The following ADAM19 variants were observed in gnomAD, a reference collection of about 807,000 sequenced individuals.
ADAM19 encodes the protein disintegrin and metalloproteinase domain-containing protein 19.
In ADAM19, 65 loss-of-function variants were observed where a neutral mutation model predicts 114.7. The observed-to-expected ratio is 0.57, with a 90% CI of 0.46 to 0.70. The LOEUF (loss-of-function observed/expected upper bound fraction) is 0.70. Ranked by LOEUF, ADAM19 falls within the 30% of genes least tolerant of loss-of-function variation. ADAM19 has a pLI of 0.00. For missense variants in ADAM19, 1,063 were observed against 1,204.7 expected (o/e 0.88, Z 1.74); for synonymous variants, 466 against 460.5 (o/e 1.01, Z -0.15).
intron 5 of ADAM19, among the ~76,000 whole-genome samples, chr5:157,527,412 G>A (rs148309903): frequency 5.9e-5 from 9 of 152,054 alleles, no homozygotes; most frequent in East Asian, 3.9e-4. Context: ...GGGTTTCACC[G>A]TGTTAGCCAG....
At chr5:157,532,349 G>C (rs755932673) in intron 4 of ADAM19, among the ~76,000 whole-genome samples, 2 of 152,206 alleles carry the variant, frequency 1.3e-5, no homozygotes, top group Non-Finnish European at 1.5e-5. Flanking sequence ...ACCAAAAGAA[G>C]GGGCTTGAAA....
At chr5:157,486,959 G>A (rs960935656) in intron 21 of ADAM19, among the ~76,000 whole-genome samples, 7 of 152,124 alleles carry the variant, frequency 4.6e-5, no homozygotes, top group African/African-American at 1.7e-4. Context: ...ACACCAGGGA[G>A]GCAGAAGTGC....
At chr5:157,498,740 A>G (rs1211721067) in intron 13 of ADAM19, among the ~76,000 whole-genome samples, 1 of 150,926 alleles carries the variant, frequency 6.6e-6, no homozygotes, top group African/African-American at 2.4e-5. Flanking sequence ...ATGTCCGCAT[A>G]TATAACTACA....
rs1755161425 is a variant in ADAM19, at chr5:157,491,618, C to T, written c.2092G>A (p.Glu698Lys). The T allele has an allele frequency of 2.7e-6, 4 of 1,506,642 alleles. No individual in the cohort carries two copies. The African/African-American group carries it at 4.2e-5, about 16-fold the overall frequency. The allele number at this position is 1,506,642 out of a possible 1,614,324, so 93.3% of individuals were successfully genotyped here. Residue 698 changes from glutamate to lysine, a missense_variant, in exon 18 of 23, where the codon GAG (glutamate) becomes AAG (lysine). This residue lies in a region of ADAM19 where 424 missense variants were observed against 445.5 expected (regional missense o/e 0.95). Coordinates refer to ENST00000257527, the MANE Select transcript of ADAM19 (RefSeq NM_033274.5). ...GCCCCAGCAGGCTGGCACTCACTCT[C>T]AGGGGGCATAGGCCCACTGTCGATA... ...GSIDSGPMPPESVGPVVAGVL... is the reference protein window; with the variant it reads ...GSIDSGPMPPKSVGPVVAGVL...
chr5:157,490,547 T>G, intron 18 of ADAM19, 93 bp from the exon 19 acceptor site: 1 of 1,416,478 alleles, frequency 7.1e-7, no homozygotes, highest in Non-Finnish European at 9.7e-7. Flanking sequence ...TTCAGGCATT[T>G]GATTTGCATT....
intron 5 of ADAM19, among the ~76,000 whole-genome samples, chr5:157,526,432 C>A (rs535227161): frequency 5.6e-4 from 85 of 152,240 alleles, no homozygotes; most frequent in Middle Eastern, 6.8e-3. Context: ...AACTTACCAA[C>A]CAGATACACT....
intron 19 of ADAM19, 42 bp downstream of exon 19, chr5:157,490,268 C>G (rs1395417309): frequency 6.2e-7 from 1 of 1,609,246 alleles, no homozygotes; most frequent in Non-Finnish European, 8.5e-7. Flanking sequence ...ACCTTTGTGA[C>G]CCATAAATTG....
rs117280715 is a variant in ADAM19, at chr5:157,538,794, A to T, written c.252-803T>A. ...TTCTTAGAATTTTCTCTAAAAATTA[A>T]AAGAAAAATATAAGAGTCAAATGGA... On this transcript the variant is annotated intron_variant, in intron 3 of 22. Transcript: ENST00000257527. Among the ~76,000 whole-genome samples, 6 of 152,376 alleles carry T rather than the reference A, an allele frequency of 3.9e-5. No homozygotes were observed. In the East Asian group the frequency reaches 9.6e-4, roughly 24 times the overall value.
rs1757847314 is a variant in ADAM19 at position 157,572,168 on chromosome 5, C to G, written c.95-1188G>C. 3 of 359,456 alleles carry G rather than the reference C, an allele frequency of 8.3e-6. No individual in the cohort carries two copies. In the East Asian group the frequency reaches 2.4e-4, roughly 29 times the overall value. The allele number at this position is 359,456 out of a possible 1,614,324, so 22.3% of individuals were successfully genotyped here. On this transcript the variant is annotated intron_variant, in intron 1 of 22. Coordinates refer to ENST00000257527, the MANE Select transcript of ADAM19 (RefSeq NM_033274.5). ...TGGTGTGATCTCGGCTCACTGCAAG[C>G]TCCGCCTTCCGGGTTCATGCCATTC...
At chr5:157,488,694 G>T (rs998053086) in intron 20 of ADAM19, among the ~76,000 whole-genome samples, 1 of 152,144 alleles carries the variant, frequency 6.6e-6, no homozygotes, top group Non-Finnish European at 1.5e-5. Flanking sequence ...CAATAAAAGG[G>T]CTTTTATTAC....
At chr5:157,542,998 A>G (rs940541066) in intron 3 of ADAM19, among the ~76,000 whole-genome samples, 3 of 152,236 alleles carry the variant, frequency 2.0e-5, no homozygotes, top group Non-Finnish European at 4.4e-5. Context: ...GATACAACAG[A>G]AATGCAAATA....
intron 2 of ADAM19, among the ~76,000 whole-genome samples, chr5:157,567,303 C>T (rs985055406): frequency 3.3e-5 from 5 of 152,186 alleles, no homozygotes; most frequent in Admixed American, 3.3e-4. Flanking sequence ...CATTTCAAAC[C>T]CACCGAAGTA....
Position 157,499,691 on chromosome 5 carries a change from G to C in ADAM19, c.1309-29C>G, listed in dbSNP as rs1238232352. 9 of 1,508,508 alleles carry C rather than the reference G, an allele frequency of 6.0e-6. No homozygotes were observed. The African/African-American group carries it at 6.9e-5, about 12-fold the overall frequency. 93.4% of individuals were successfully genotyped at this position (1,508,508 alleles called of 1,614,324 possible). Reference sequence around the variant, plus strand: ...GGGAGGCAGTGGGGTGGGTGTGAGTGGGGGAGGGCCTTCACCACCCCCAAC... The same window carrying C: ...GGGAGGCAGTGGGGTGGGTGTGAGTCGGGGAGGGCCTTCACCACCCCCAAC... On this transcript the variant is annotated intron_variant, in intron 12 of 22. Transcript: ENST00000257527.
intron 21 of ADAM19, among the ~76,000 whole-genome samples, chr5:157,483,773 A>G (rs192148322): frequency 1.3e-5 from 2 of 151,732 alleles, no homozygotes; most frequent in African/African-American, 4.8e-5. Context: ...AGTTGGGATT[A>G]CAGGCACCCA....
intron 5 of ADAM19, among the ~76,000 whole-genome samples, chr5:157,524,214 G>A (rs1203947540): frequency 6.6e-6 from 1 of 152,214 alleles, no homozygotes; most frequent in African/African-American, 2.4e-5. Flanking sequence ...ATCCTTCTAG[G>A]AGCCTTGGTT....
At chr5:157,487,664 G>GA in intron 21 of ADAM19, among the ~76,000 whole-genome samples, 1 of 152,182 alleles carries the variant, frequency 6.6e-6, no homozygotes, top group East Asian at 1.9e-4. Context: ...ACCAGGGCTG[G>GA]TGGGGGAGAG....
intron 7 of ADAM19, among the ~76,000 whole-genome samples, chr5:157,515,656 C>A (rs979551584): frequency 6.6e-6 from 1 of 152,108 alleles, no homozygotes; most frequent in African/African-American, 2.4e-5. Context: ...GTTTGCAGAC[C>A]CCTGATGTAA....
At chr5:157,560,903 A>G (rs1713874919) in intron 3 of ADAM19, among the ~76,000 whole-genome samples, 2 of 152,344 alleles carry the variant, frequency 1.3e-5, no homozygotes, top group South Asian at 2.1e-4. Context: ...TTGGAATACA[A>G]ACAAGGCACT....
At chr5:157,498,724 T>G (rs1041694036) in intron 13 of ADAM19, among the ~76,000 whole-genome samples, 4 of 141,782 alleles carry the variant, frequency 2.8e-5, no homozygotes, top group African/African-American at 1.0e-4. Flanking sequence ...ATATGGATAA[T>G]TACATATGTC....
Sources: allele counts gnomAD v4.1 joint callset (sites outside exome capture counted in the v4.1 genomes callset), GRCh38; gene constraint gnomAD v4.1.1; regional missense constraint gnomAD v4.1.1; transcripts MANE v1.5; gene names NCBI Gene and HGNC (gene_info 2026-07-23, HGNC 2026-07-21).